TENT4B: variants seen among roughly 807,000 people sequenced by gnomAD.
TENT4B encodes the protein terminal nucleotidyltransferase 4B.
A neutral mutation model predicts 75.0 loss-of-function variants in TENT4B; 10 were observed. The observed-to-expected ratio is 0.13, with a 90% CI of 0.08 to 0.23. TENT4B has a LOEUF of 0.23. Ranked by LOEUF, TENT4B falls within the 10% of genes least tolerant of loss-of-function variation. The probability of loss-of-function intolerance (pLI) is 1.00; values close to 1 mark genes in which losing one functional copy is unlikely to be tolerated. For missense variants in TENT4B, 579 were observed against 893.8 expected (o/e 0.65, Z 4.49); for synonymous variants, 350 against 357.7 (o/e 0.98, Z 0.24).
chr16:50,153,063 G>A (rs1380780812), upstream of TENT4B: 3 of 1,462,092 alleles, frequency 2.1e-6, no homozygotes, highest in East Asian at 3.0e-5. Context: ...GATGGCGCAA[G>A]TACGGTTGGG....
In TENT4B at chr16:50,191,174, T is replaced by C. The variant is rs183051486; in HGVS notation, c.639-20149T>C. 8.4e-4 allele frequency among the ~76,000 whole-genome samples: 128 copies of C among 152,344 alleles called. 1 individual carries two copies. Among genetic ancestry groups the C allele is most frequent in the East Asian group, 6.8e-3 (35 of 5,184 alleles). ...GTCTTGAATCATGTTGCTATAGCTG[T>C]ACAAGTATCTATTTGAGTTTCTGCT... is the stretch of plus-strand genomic sequence containing the variant. On this transcript the variant is annotated intron_variant, in intron 1 of 11. Coordinates refer to ENST00000561678, the MANE Select transcript of TENT4B (RefSeq NM_001365324.3).
Position 50,230,797 on chromosome 16 carries a change from A to G in TENT4B, c.*1469A>G. The G allele has an allele frequency of 1.0e-6, 1 of 985,628 alleles. No individual in the cohort carries two copies. Among genetic ancestry groups the G allele is most frequent in the East Asian group, 1.1e-4 (1 of 8,814 alleles). The allele number at this position is 985,628 out of a possible 1,614,324, so 61.1% of individuals were successfully genotyped here. A position where few individuals can be genotyped will look rare whatever the true frequency, so the allele number is the denominator to read the frequency against. On this transcript the variant is annotated 3_prime_UTR_variant, in exon 12 of 12. Coordinates refer to ENST00000561678, the MANE Select transcript of TENT4B (RefSeq NM_001365324.3). ...TTTGAAACTCAGTTGGGAATATTTA[A>G]TATAATAGAATGTAAGTGACATTTC...
At position 50,234,577 on chromosome 16, in the gene TENT4B, T is replaced by TA. The variant is rs1312795797; in HGVS notation, c.*5251dup. 1.0e-6 allele frequency: 1 copy of TA among 982,670 alleles called. No homozygotes were observed. The highest frequency in any genetic ancestry group is 1.2e-6 in the Non-Finnish European group (1 of 827,514). The allele number at this position is 982,670 out of a possible 1,614,324, so 60.9% of individuals were successfully genotyped here. A position where few individuals can be genotyped will look rare whatever the true frequency, so the allele number is the denominator to read the frequency against. On this transcript the variant is annotated 3_prime_UTR_variant, in exon 12 of 12. Transcript: ENST00000561678. Reference sequence around the variant, plus strand: ...TAATATGTTGTTTTGTCCCTGAACTTAATCTCCTAATTTTAAGATCCTCTC... The same window carrying TA: ...TAATATGTTGTTTTGTCCCTGAACTTAAATCTCCTAATTTTAAGATCCTCTC...
At chr16:50,157,458 A>G (rs1008599420) in intron 1 of TENT4B, among the ~76,000 whole-genome samples, 5 of 152,240 alleles carry the variant, frequency 3.3e-5, no homozygotes, top group Admixed American at 6.5e-5. Context: ...TATGTAGAGT[A>G]AGATATTGGA....
chr16:50,206,697 T>C (rs957628169), intron 1 of TENT4B, among the ~76,000 whole-genome samples: 1 of 152,096 alleles, frequency 6.6e-6, no homozygotes, highest in African/African-American at 2.4e-5. Flanking sequence ...ACAAGGGAGC[T>C]TTCCACCTTG....
chr16:50,197,338 G>C (rs1389017850), intron 1 of TENT4B, among the ~76,000 whole-genome samples: 3 of 152,162 alleles, frequency 2.0e-5, no homozygotes, highest in African/African-American at 7.2e-5. Flanking sequence ...ACCCAGGCTG[G>C]AGTGCAGTGG....
Position 50,232,574 on chromosome 16 carries a change from G to A in TENT4B, c.*3246G>A. 1 of 985,336 alleles carries A rather than the reference G, an allele frequency of 1.0e-6. No homozygotes were observed. The highest frequency in any genetic ancestry group is 1.2e-6 in the Non-Finnish European group (1 of 829,924). 61.0% of individuals were successfully genotyped at this position (985,336 alleles called of 1,614,324 possible). ...GTGTGACTTGTGTTTGCCTGAACCT[G>A]TGGACTAGTGTTTGGGGTTTCTGGA... is the stretch of plus-strand genomic sequence containing the variant. On this transcript the variant is annotated 3_prime_UTR_variant, in exon 12 of 12. Transcript: ENST00000561678.
chr16:50,158,827 G>C (rs772080847), intron 1 of TENT4B, among the ~76,000 whole-genome samples: 3 of 152,154 alleles, frequency 2.0e-5, no homozygotes, highest in African/African-American at 4.8e-5. Flanking sequence ...GGTGGGAATG[G>C]GGATGTGAAG....
chr16:50,197,201 A>T (rs1267607658), intron 1 of TENT4B, among the ~76,000 whole-genome samples: 5 of 152,224 alleles, frequency 3.3e-5, no homozygotes. Flanking sequence ...TAAAGAGCTG[A>T]TAAAGAGTGG....
At chr16:50,186,845 G>T (rs1318042733) in intron 1 of TENT4B, among the ~76,000 whole-genome samples, 2 of 152,196 alleles carry the variant, frequency 1.3e-5, no homozygotes, top group Non-Finnish European at 2.9e-5. Flanking sequence ...CTCCCAAAGT[G>T]CTAGGATTGT....
chr16:50,208,071 G>A (rs1057391268), intron 1 of TENT4B, among the ~76,000 whole-genome samples: 6 of 152,198 alleles, frequency 3.9e-5, no homozygotes, highest in Non-Finnish European at 7.3e-5. Context: ...TGTGCCTGGT[G>A]TGGATGAGAA....
chr16:50,206,239 A>AC (rs2030957981), intron 1 of TENT4B, among the ~76,000 whole-genome samples: 1 of 152,116 alleles, frequency 6.6e-6, no homozygotes, highest in South Asian at 2.1e-4. Context: ...TAGTAGAATG[A>AC]CCTCAGGAGA....
At chr16:50,159,003 A>G (rs1425034479) in intron 1 of TENT4B, among the ~76,000 whole-genome samples, 3 of 152,130 alleles carry the variant, frequency 2.0e-5, no homozygotes, top group African/African-American at 2.4e-5. Flanking sequence ...GTAAGAAGAT[A>G]GTAGGGGGAT....
chr16:50,163,877 G>T (rs919888388), intron 1 of TENT4B, among the ~76,000 whole-genome samples: 1 of 151,592 alleles, frequency 6.6e-6, no homozygotes, highest in Admixed American at 6.6e-5. Context: ...ATGGGGTCTC[G>T]CCGGGTGCGA....
At position 50,157,938 on chromosome 16, in the gene TENT4B, GT is replaced by G. The variant is rs545414284; in HGVS notation, c.638+3687del. Reference sequence around the variant, plus strand: ...GTGCCACCATGCCTGGCTCATTTTGGTTTTTTTTGTAAAGATGGGGTCTTGT... The same window carrying G: ...GTGCCACCATGCCTGGCTCATTTTGGTTTTTTTGTAAAGATGGGGTCTTGT... On this transcript the variant is annotated intron_variant, in intron 1 of 11. Coordinates refer to ENST00000561678, the MANE Select transcript of TENT4B (RefSeq NM_001365324.3). 4.0e-3 allele frequency among the ~76,000 whole-genome samples: 599 copies of G among 151,048 alleles called. 1 individual carries two copies. Among genetic ancestry groups the G allele is most frequent in the Admixed American group, 0.01 (153 of 15,120 alleles).
At chr16:50,218,237 T>G (rs2031663055) in intron 5 of TENT4B, among the ~76,000 whole-genome samples, 1 of 152,184 alleles carries the variant, frequency 6.6e-6, no homozygotes, top group African/African-American at 2.4e-5. Context: ...ACACAGTTGA[T>G]TCCATCTGTT....
chr16:50,162,789 C>T (rs773644721), intron 1 of TENT4B, among the ~76,000 whole-genome samples: 3 of 152,058 alleles, frequency 2.0e-5, no homozygotes, highest in East Asian at 3.8e-4. Context: ...TCTTTAGCCT[C>T]GTTTTCTAAA....
intron 9 of TENT4B, 32 bp downstream of exon 9, chr16:50,225,026 T>C (rs2031985882): frequency 6.2e-7 from 1 of 1,609,064 alleles, no homozygotes; most frequent in South Asian, 1.1e-5. Flanking sequence ...ATTGACTGAG[T>C]ATTAGAGGCT....
intron 1 of TENT4B, among the ~76,000 whole-genome samples, chr16:50,159,694 G>A (rs2037967590): frequency 6.6e-6 from 1 of 152,128 alleles, no homozygotes; most frequent in Non-Finnish European, 1.5e-5. Flanking sequence ...TGCATTTGCA[G>A]ATATAGCCCA....
Sources: allele counts gnomAD v4.1 joint callset (sites outside exome capture counted in the v4.1 genomes callset), GRCh38; gene constraint gnomAD v4.1.1; transcripts MANE v1.5; gene names NCBI Gene and HGNC (gene_info 2026-07-23, HGNC 2026-07-21).